The following GRAMD1B variants were observed in gnomAD, a reference collection of about 807,000 sequenced individuals.
The protein encoded by GRAMD1B is GRAM domain containing 1B.
GRAMD1B carries 37 observed loss-of-function variants against 99.7 expected under a neutral mutation model. The ratio of observed to expected loss-of-function variants is 0.37; its 90% CI spans 0.29 to 0.49. GRAMD1B has a LOEUF of 0.49. GRAMD1B is among the 20% of genes least tolerant of loss of function. The pLI, the probability that GRAMD1B is intolerant of heterozygous loss-of-function variation, is 0.98. For synonymous variants in GRAMD1B, 427 were observed against 387.6 expected, an observed-to-expected ratio of 1.10 and a Z score of -1.19; for missense variants, 888 against 1,009.2, an observed-to-expected ratio of 0.88 and a Z score of 1.63.
At chr11:123,614,481 G>T (rs559842892) in intron 16 of GRAMD1B, among the ~76,000 whole-genome samples, 2 of 152,290 alleles carry the variant, frequency 1.3e-5, no homozygotes, top group South Asian at 4.1e-4. Context: ...AGATCCCTTT[G>T]TCCTGGGCCT....
chr11:123,611,073 A>G (rs1953474311), intron 14 of GRAMD1B, among the ~76,000 whole-genome samples: 2 of 152,330 alleles, frequency 1.3e-5, no homozygotes, highest in Middle Eastern at 3.4e-3. Context: ...TAAGGAGCCA[A>G]AAATTCGCTG....
intron 8 of GRAMD1B, among the ~76,000 whole-genome samples, chr11:123,602,011 A>T (rs1313524841): frequency 6.6e-6 from 1 of 152,200 alleles, no homozygotes; most frequent in African/African-American, 2.4e-5. Flanking sequence ...AGAGAGGCAG[A>T]TGTGTCCCAG....
intron 1 of GRAMD1B, among the ~76,000 whole-genome samples, chr11:123,388,353 T>A (rs1325453941): frequency 6.6e-6 from 1 of 151,942 alleles, no homozygotes; most frequent in African/African-American, 2.4e-5. Context: ...GGAGCCCACA[T>A]GAATGGGATT....
At chr11:123,584,832 C>G (rs1259905620) in intron 4 of GRAMD1B, among the ~76,000 whole-genome samples, 2 of 152,180 alleles carry the variant, frequency 1.3e-5, no homozygotes, top group Non-Finnish European at 2.9e-5. Context: ...TACAAGGCCT[C>G]CTGGTGCTTG....
At position 123,493,383 on chromosome 11, in the gene GRAMD1B, G is replaced by T. The variant is rs142911700; in HGVS notation, c.452+12490G>T. ...TCACTGTCAGCAAATAGTAGGCCTG[G>T]GCTTAGCCTGCAAGGGGTGTGGAGA... On this transcript the variant is annotated intron_variant, in intron 2 of 19. Transcript: ENST00000635736. Among the ~76,000 whole-genome samples, 30 of 152,308 alleles carry T rather than the reference G, an allele frequency of 2.0e-4. No homozygotes were observed. In the East Asian group the frequency reaches 5.8e-3, roughly 29 times the overall value.
intron 1 of GRAMD1B, among the ~76,000 whole-genome samples, chr11:123,367,087 T>C (rs182466098): frequency 4.0e-3 from 614 of 152,136 alleles, no homozygotes; most frequent in Non-Finnish European, 7.4e-3. Context: ...TCTGTAGTCG[T>C]AGCTACTTGG....
chr11:123,599,376 A>C, intron 7 of GRAMD1B: 1 of 685,036 alleles, frequency 1.5e-6, no homozygotes, highest in Non-Finnish European at 2.8e-6. Flanking sequence ...TTTAGTGAGC[A>C]TCTCTTTGGC....
chr11:123,515,488 C>T (rs1313754569), intron 2 of GRAMD1B, among the ~76,000 whole-genome samples: 3 of 152,106 alleles, frequency 2.0e-5, no homozygotes, highest in Non-Finnish European at 4.4e-5. Context: ...ATTCCAAAAT[C>T]CAAAAAAATC....
intron 1 of GRAMD1B, among the ~76,000 whole-genome samples, chr11:123,439,787 C>T (rs998953227): frequency 3.9e-5 from 6 of 152,174 alleles, no homozygotes; most frequent in East Asian, 1.9e-4. Context: ...TTTAAGGTCT[C>T]TCCCTCTCAG....
Position 123,468,286 on chromosome 11 carries a change from G to GGAGA in GRAMD1B, c.375-12529_375-12526dup, listed in dbSNP as rs1219990389. ...AGACCAGTGAGTACTCAGTGGAAGT[G>GGAGA]GAGACTTTTACAAATACATCAAGGG... On this transcript the variant is annotated intron_variant, in intron 1 of 19. Transcript: ENST00000635736. Among the ~76,000 whole-genome samples the GGAGA allele has an allele frequency of 4.6e-5, 7 of 152,236 alleles. No individual in the cohort carries two copies. In the East Asian group the frequency reaches 1.4e-3, roughly 29 times the overall value.
chr11:123,382,773 C>G (rs1431864359), intron 1 of GRAMD1B, among the ~76,000 whole-genome samples: 2 of 152,096 alleles, frequency 1.3e-5, no homozygotes, highest in Non-Finnish European at 2.9e-5. Flanking sequence ...GGGATATCAG[C>G]AAAGGATAAA....
At chr11:123,393,002 A>T (rs1947333141) in intron 1 of GRAMD1B, among the ~76,000 whole-genome samples, 1 of 152,238 alleles carries the variant, frequency 6.6e-6, no homozygotes, top group Non-Finnish European at 1.5e-5. Context: ...AAGATTGTTG[A>T]ACAGGATGAG....
intron 17 of GRAMD1B, among the ~76,000 whole-genome samples, chr11:123,617,468 C>T (rs1219493402): frequency 2.6e-5 from 4 of 152,166 alleles, no homozygotes; most frequent in African/African-American, 9.7e-5. Flanking sequence ...GGATTACAGG[C>T]GTGAGCCACC....
At chr11:123,390,404 C>T (rs1043711744) in intron 1 of GRAMD1B, among the ~76,000 whole-genome samples, 1 of 152,204 alleles carries the variant, frequency 6.6e-6, no homozygotes, top group Non-Finnish European at 1.5e-5. Context: ...TACGCATCAC[C>T]CTGCTCCTTG....
rs186901046 is a variant in GRAMD1B at position 123,593,552 on chromosome 11, A to T, written c.685-530A>T. 3.3e-5 allele frequency among the ~76,000 whole-genome samples: 5 copies of T among 151,944 alleles called. No individual in the cohort carries two copies. The East Asian group carries it at 9.7e-4, about 29-fold the overall frequency. On this transcript the variant is annotated intron_variant, in intron 4 of 19. Transcript: ENST00000635736. ...GCCCGTTGTGTTTTTTTAATTCTCT[A>T]TCTCTGCGCTTATTGCAGTACTGGT...
At chr11:123,541,879 G>A (rs949055192) in intron 2 of GRAMD1B, among the ~76,000 whole-genome samples, 8 of 151,938 alleles carry the variant, frequency 5.3e-5, no homozygotes. Context: ...AGTACACCTT[G>A]ATATAATATT....
chr11:123,411,247 GC>G (rs1217735019), intron 1 of GRAMD1B, among the ~76,000 whole-genome samples: 2 of 151,768 alleles, frequency 1.3e-5, no homozygotes, highest in Admixed American at 1.3e-4. Context: ...CTCGTGATCC[GC>G]CCCCCTCAGC....
intron 2 of GRAMD1B, among the ~76,000 whole-genome samples, chr11:123,571,943 T>G (rs1948150257): frequency 6.6e-6 from 1 of 152,182 alleles, no homozygotes; most frequent in South Asian, 2.1e-4. Flanking sequence ...TGTTTTCCTT[T>G]ATTCTCTTCT....
chr11:123,583,432 G>A (rs1404622033), intron 3 of GRAMD1B, among the ~76,000 whole-genome samples: 2 of 151,790 alleles, frequency 1.3e-5, no homozygotes, highest in African/African-American at 4.8e-5. Context: ...GTGTGTACTT[G>A]TGTATTTGTG....
Sources: gnomAD v4.1 joint callset for allele counts (sites outside exome capture counted in the v4.1 genomes callset) on GRCh38, gnomAD v4.1.1 for gene constraint, MANE v1.5 for transcripts, NCBI Gene and HGNC (gene_info 2026-07-23, HGNC 2026-07-21) for gene names.